Variants in SYN3 observed in about 807,000 individuals in gnomAD.
SYN3 encodes synapsin-3.
In SYN3, 35 loss-of-function variants were observed where a neutral mutation model predicts 65.8. The observed-to-expected ratio is 0.53, with a 90% CI of 0.41 to 0.70. The LOEUF is 0.70. Ranked by LOEUF, SYN3 falls within the 30% of genes least tolerant of loss-of-function variation. The probability of loss-of-function intolerance (pLI) is 0.00; values close to 1 mark genes in which losing one functional copy is unlikely to be tolerated. For missense variants in SYN3, 680 were observed against 749.0 expected, an observed-to-expected ratio of 0.91 and a Z score of 1.08; for synonymous variants, 270 against 292.9, an observed-to-expected ratio of 0.92 and a Z score of 0.80.
At chr22:32,680,785 C>A (rs996310335) in intron 6 of SYN3, among the ~76,000 whole-genome samples, 3 of 152,332 alleles carry the variant, frequency 2.0e-5, no homozygotes, top group East Asian at 3.9e-4. Context: ...CATCTAAAGT[C>A]AAAAATCAAA....
At chr22:32,590,774 G>C (rs1408340669) in intron 7 of SYN3, among the ~76,000 whole-genome samples, 1 of 152,196 alleles carries the variant, frequency 6.6e-6, no homozygotes, top group Non-Finnish European at 1.5e-5. Context: ...GACTAATAAA[G>C]TTGAGCCTAT....
intron 7 of SYN3, among the ~76,000 whole-genome samples, chr22:32,565,134 A>G (rs1322583786): frequency 6.6e-6 from 1 of 151,592 alleles, no homozygotes; most frequent in Non-Finnish European, 1.5e-5. Context: ...GACTGCACCC[A>G]AACAGTGCTC....
intron 4 of SYN3, among the ~76,000 whole-genome samples, chr22:32,869,918 A>G (rs2048804028): frequency 6.6e-6 from 1 of 152,104 alleles, no homozygotes; most frequent in South Asian, 2.1e-4. Flanking sequence ...AAAGCTCAGA[A>G]GCAGGAGAGC....
At chr22:32,651,540 A>G (rs1005165064) in intron 6 of SYN3, among the ~76,000 whole-genome samples, 4 of 152,118 alleles carry the variant, frequency 2.6e-5, no homozygotes, top group Non-Finnish European at 4.4e-5. Flanking sequence ...CTCAGTGAGA[A>G]GTCAGGAAGC....
chr22:32,955,960 T>G (rs1055337671), intron 3 of SYN3, among the ~76,000 whole-genome samples: 1 of 151,698 alleles, frequency 6.6e-6, no homozygotes, highest in African/African-American at 2.4e-5. Context: ...GGACTCAGAC[T>G]GGCTTACTTG....
intron 6 of SYN3, among the ~76,000 whole-genome samples, chr22:32,796,464 G>A (rs1253792844): frequency 1.3e-5 from 2 of 152,166 alleles, no homozygotes; most frequent in African/African-American, 4.8e-5. Context: ...GAGAGCTGGG[G>A]CAATTTTACT....
chr22:32,516,218 A>AT (rs5845006), intron 13 of SYN3, among the ~76,000 whole-genome samples: 3 of 151,780 alleles, frequency 2.0e-5, no homozygotes, highest in African/African-American at 4.8e-5. Flanking sequence ...TTATGCAAAT[A>AT]TTTTTTATTT....
At chr22:32,976,155 C>T (rs1430464892) in intron 3 of SYN3, among the ~76,000 whole-genome samples, 1 of 152,222 alleles carries the variant, frequency 6.6e-6, no homozygotes, top group Non-Finnish European at 1.5e-5. Flanking sequence ...CTCCCAACAG[C>T]AGCCTCCCCT....
intron 1 of SYN3, among the ~76,000 whole-genome samples, chr22:33,041,208 G>C (rs1029966998): frequency 6.6e-6 from 1 of 150,422 alleles, no homozygotes; most frequent in African/African-American, 2.4e-5. Context: ...TGAGTCACTG[G>C]GCCCAGCCTG....
chr22:33,015,505 G>A (rs2053448681), intron 1 of SYN3: 1 of 189,914 alleles, frequency 5.3e-6, no homozygotes, highest in African/African-American at 2.4e-5. Flanking sequence ...AGTGCCAGCT[G>A]TTTCTGTACA....
intron 4 of SYN3, among the ~76,000 whole-genome samples, chr22:32,872,136 T>G (rs2048866828): frequency 6.6e-6 from 1 of 152,242 alleles, no homozygotes; most frequent in African/African-American, 2.4e-5. Context: ...TGTGACAATT[T>G]TATTTCTCCT....
intron 6 of SYN3, among the ~76,000 whole-genome samples, chr22:32,641,928 T>A (rs1318966335): frequency 6.6e-6 from 1 of 152,106 alleles, no homozygotes; most frequent in Non-Finnish European, 1.5e-5. Flanking sequence ...CTCCCCAGCC[T>A]CCAAAGATGG....
At chr22:32,714,727 TAA>T (rs2061012874) in intron 6 of SYN3, among the ~76,000 whole-genome samples, 1 of 152,220 alleles carries the variant, frequency 6.6e-6, no homozygotes, top group Admixed American at 6.5e-5. Context: ...AATCTCTGAT[TAA>T]GATAGGCTTT....
At chr22:32,789,028 G>A (rs1252341805) in intron 6 of SYN3, among the ~76,000 whole-genome samples, 4 of 152,220 alleles carry the variant, frequency 2.6e-5, no homozygotes, top group African/African-American at 9.7e-5. Flanking sequence ...GGGCGGCCAG[G>A]GTAGGATTGC....
rs539157798 is a variant in SYN3 at position 32,564,141 on chromosome 22, G to A, written c.775-22428C>T. On this transcript the variant is annotated intron_variant, in intron 7 of 13. Transcript: ENST00000358763. ...TAAGACACCAAGATCAGGGAGGCAG[G>A]AAAATGCAACGCATGCCTGAGCTGG... Among the ~76,000 whole-genome samples the A allele has an allele frequency of 5.3e-5, 8 of 152,330 alleles. No homozygotes were observed. The East Asian group carries it at 1.2e-3, about 22-fold the overall frequency.
rs201873028 is a variant in SYN3, at chr22:32,518,187, C to T, written c.1466G>A (p.Arg489Gln). Reference sequence around the variant, plus strand: ...GTTTGGGGAGCTGCCACTGGATGCCCGGGATAGCTGCGGAGAGCCTGGTGA... The same window carrying T: ...GTTTGGGGAGCTGCCACTGGATGCCTGGGATAGCTGCGGAGAGCCTGGTGA... ...QRSPGSPQLS[R>Q]ASSGSSPNQA... Residue 489 changes from arginine (R) to glutamine (Q), a missense_variant, in exon 13 of 14, where the codon CGG becomes CAG. Arg to Gln is a conservative substitution (Grantham distance 43, BLOSUM62 1). Transcript: ENST00000358763. 4.6e-5 allele frequency: 74 copies of T among 1,613,628 alleles called. No individual in the cohort carries two copies. The highest frequency in any genetic ancestry group is 8.3e-5 in the Admixed American group (5 of 59,958).
At chr22:32,982,936 T>C (rs903659686) in intron 2 of SYN3, among the ~76,000 whole-genome samples, 1 of 152,204 alleles carries the variant, frequency 6.6e-6, no homozygotes, top group African/African-American at 2.4e-5. Context: ...ATATTTTGCC[T>C]AAGGGATTTG....
chr22:32,947,088 C>G (rs2051135450), intron 3 of SYN3, among the ~76,000 whole-genome samples: 2 of 152,152 alleles, frequency 1.3e-5, no homozygotes, highest in Non-Finnish European at 2.9e-5. Context: ...GTCTGGAGAT[C>G]AGAGATCTAA....
intron 1 of SYN3, among the ~76,000 whole-genome samples, chr22:33,037,281 C>G (rs1276151620): frequency 6.6e-6 from 1 of 152,074 alleles, no homozygotes; most frequent in African/African-American, 2.4e-5. Flanking sequence ...CGCTTGCTGC[C>G]CAGATTTTTT....
Sources: gnomAD v4.1 joint callset for allele counts (sites outside exome capture counted in the v4.1 genomes callset) on GRCh38, gnomAD v4.1.1 for gene constraint, MANE v1.5 for transcripts, NCBI Gene and HGNC (gene_info 2026-07-23, HGNC 2026-07-21) for gene names.